Variants in CD1B observed in about 807,000 individuals in gnomAD.
The protein encoded by CD1B is CD1b molecule, also known as T-cell surface glycoprotein CD1b.
Under a neutral mutation model 39.8 loss-of-function variants are expected in CD1B, and 43 were observed. The observed-to-expected ratio is 1.08, with a 90% confidence interval of 0.85 to 1.39. The LOEUF is 1.39. CD1B is among the 40% of genes most tolerant of loss of function. The probability of loss-of-function intolerance (pLI) is 0.00; values close to 1 mark genes in which losing one functional copy is unlikely to be tolerated. For missense variants in CD1B, 495 were observed against 403.8 expected (o/e 1.23, Z -1.94); for synonymous variants, 192 against 152.5 (o/e 1.26, Z -1.91).
the CD1B span, among the ~76,000 whole-genome samples, chr1:158,295,843 C>G: frequency 1.4e-5 from 2 of 147,180 alleles, no homozygotes; most frequent in South Asian, 4.1e-4. Flanking sequence ...TGTCACTGGC[C>G]TCACATCAGC....
chr1:158,322,757 A>T, the CD1B span, among the ~76,000 whole-genome samples: 1 of 152,088 alleles, frequency 6.6e-6, no homozygotes, highest in African/African-American at 2.4e-5. Context: ...TCTGAAGGAC[A>T]TATTTGCCAG....
At chr1:158,289,159 G>A in the CD1B span, among the ~76,000 whole-genome samples, 1 of 151,992 alleles carries the variant, frequency 6.6e-6, no homozygotes, top group Non-Finnish European at 1.5e-5. Context: ...TTTGTATCTG[G>A]GATTCTATAC....
chr1:158,325,640 TACACAC>T (rs57890038), downstream of CD1B, among the ~76,000 whole-genome samples: 3 of 148,988 alleles, frequency 2.0e-5, no homozygotes, highest in African/African-American at 5.0e-5. Context: ...ATACATTTTA[TACACAC>T]ACACACACAC....
At chr1:158,322,455 T>C in the CD1B span, among the ~76,000 whole-genome samples, 3 of 145,176 alleles carry the variant, frequency 2.1e-5, no homozygotes, top group Admixed American at 6.9e-5. Flanking sequence ...TCTCGTAAGA[T>C]GCGGTTTTGC....
the CD1B span, among the ~76,000 whole-genome samples, chr1:158,318,710 T>G: frequency 6.6e-6 from 1 of 152,284 alleles, no homozygotes; most frequent in East Asian, 1.9e-4. Context: ...GTCATTATGA[T>G]GTTAGGTGGT....
intron 5 of CD1B, 29 bp downstream of exon 5, chr1:158,328,889 TAAA>T: frequency 8.6e-7 from 1 of 1,157,418 alleles, no homozygotes; most frequent in Non-Finnish European, 1.2e-6. Context: ...AAAGACATAT[TAAA>T]AAAAAAAACA....
downstream of CD1B, among the ~76,000 whole-genome samples, chr1:158,323,675 G>T (rs59429601): frequency 6.6e-6 from 1 of 152,116 alleles, no homozygotes; most frequent in East Asian, 1.9e-4. Context: ...ATGTTAGATC[G>T]CATGACTGCT....
At chr1:158,303,211 C>T in the CD1B span, among the ~76,000 whole-genome samples, 1 of 152,152 alleles carries the variant, frequency 6.6e-6, no homozygotes, top group African/African-American at 2.4e-5. Context: ...GCAGAACAGT[C>T]TTTTGATAAA....
the CD1B span, among the ~76,000 whole-genome samples, chr1:158,306,298 G>A: frequency 6.6e-6 from 1 of 152,108 alleles, no homozygotes. Flanking sequence ...TGATAAAACA[G>A]ACTTTAAACC....
the CD1B span, among the ~76,000 whole-genome samples, chr1:158,308,019 G>C: frequency 5.1e-3 from 780 of 152,046 alleles, 4 homozygotes; most frequent in African/African-American, 0.016. Context: ...AAAGGGTATT[G>C]AATTAGGAAA....
chr1:158,292,645 G>C, the CD1B span: 2 of 1,613,544 alleles, frequency 1.2e-6, no homozygotes, highest in South Asian at 2.2e-5. Flanking sequence ...GGTCTGGCCA[G>C]CTGTTGCTGG....
At chr1:158,300,096 C>A in the CD1B span, among the ~76,000 whole-genome samples, 10 of 152,114 alleles carry the variant, frequency 6.6e-5, no homozygotes, top group Admixed American at 5.9e-4. Flanking sequence ...AATTTTAGAT[C>A]TTTCCTGCTT....
chr1:158,306,178 G>A, the CD1B span, among the ~76,000 whole-genome samples: 1 of 152,168 alleles, frequency 6.6e-6, no homozygotes, highest in African/African-American at 2.4e-5. Context: ...CTGTATTCAG[G>A]AAACCCATAG....
the CD1B span, chr1:158,292,929 G>A: frequency 6.4e-7 from 1 of 1,569,042 alleles, no homozygotes; most frequent in African/African-American, 1.4e-5. Flanking sequence ...AGAGGTTAGG[G>A]GAGAGGAAAT....
the CD1B span, among the ~76,000 whole-genome samples, chr1:158,306,067 A>C: frequency 1.3e-5 from 2 of 152,188 alleles, no homozygotes; most frequent in East Asian, 1.9e-4. Context: ...ACAGGATCAA[A>C]TTCACACATA....
At chr1:158,324,363 G>T (rs1415679546), downstream of CD1B, among the ~76,000 whole-genome samples, 1 of 152,192 alleles carries the variant, frequency 6.6e-6, no homozygotes, top group East Asian at 1.9e-4. Context: ...TCTACAGAGA[G>T]ACTTTTGTCT....
At chr1:158,306,416 C>T in the CD1B span, among the ~76,000 whole-genome samples, 1 of 152,080 alleles carries the variant, frequency 6.6e-6, no homozygotes, top group Non-Finnish European at 1.5e-5. Context: ...ACAGGAGCAC[C>T]CAGATTCATA....
At chr1:158,293,587 G>A in the CD1B span, 1 of 1,612,316 alleles carries the variant, frequency 6.2e-7, no homozygotes, top group Non-Finnish European at 8.5e-7. Context: ...TTCTCTTTCT[G>A]CATAATAAAC....
At chr1:158,326,104 G>C (rs564659378), downstream of CD1B, among the ~76,000 whole-genome samples, 9 of 152,242 alleles carry the variant, frequency 5.9e-5, no homozygotes, top group African/African-American at 1.9e-4. Context: ...CTGAGTAGCT[G>C]GGACTACAGG....
Sources: allele counts gnomAD v4.1 joint callset (sites outside exome capture counted in the v4.1 genomes callset), GRCh38; gene constraint gnomAD v4.1.1; transcripts MANE v1.5; gene names NCBI Gene and HGNC (gene_info 2026-07-23, HGNC 2026-07-21).